The following CSMD2 variants were observed in gnomAD, a reference collection of about 807,000 sequenced individuals.
CSMD2 encodes CUB and sushi domain-containing protein 2.
A neutral mutation model predicts 398.5 loss-of-function variants in CSMD2; 130 were observed. The ratio of observed to expected loss-of-function variants is 0.33; its 90% CI spans 0.28 to 0.38. The LOEUF is 0.38. Ranked by LOEUF, CSMD2 falls within the 10% of genes least tolerant of loss-of-function variation. The probability of loss-of-function intolerance (pLI) is 1.00; values close to 1 mark genes in which losing one functional copy is unlikely to be tolerated. For missense variants in CSMD2, 3,829 were observed against 4,764.9 expected (o/e 0.80, Z 5.78); for synonymous variants, 1,828 against 1,908.5 (o/e 0.96, Z 1.10).
chr1:33,518,389 ATG>A lies in CSMD2; in HGVS notation c.*53+1074_*53+1075del, dbSNP rs3043318. On this transcript the variant is annotated intron_variant, in intron 70 of 70. Transcript: ENST00000373381. This position sits in a 1 kb window ranked among gnomAD's most constrained non-coding sequence, Gnocchi z 4.3. ...TGCATGCCTGTGTGCATGTATGCGT[ATG>A]TGTGTGTGTGTGTGTGCATGACCGT... Among the ~76,000 whole-genome samples the A allele has an allele frequency of 0.72, 107,681 of 150,508 alleles. 38,957 individuals are homozygous for A. The highest frequency in any genetic ancestry group is 0.83 in the African/African-American group (34,120 of 41,068).
intron 22 of CSMD2, among the ~76,000 whole-genome samples, chr1:33,701,455 G>A (rs1192667115): frequency 3.3e-5 from 5 of 152,232 alleles, no homozygotes; most frequent in Non-Finnish European, 7.3e-5. Context: ...AATAACAACA[G>A]AAGTTGTGAT....
intron 32 of CSMD2, among the ~76,000 whole-genome samples, chr1:33,630,445 A>C (rs1342669482): frequency 6.6e-6 from 1 of 152,210 alleles, no homozygotes; most frequent in Non-Finnish European, 1.5e-5. Context: ...TAACTTTAGG[A>C]GGTAGGACTC....
At chr1:33,699,634 G>C (rs750737773) in intron 23 of CSMD2, among the ~76,000 whole-genome samples, 1 of 152,166 alleles carries the variant, frequency 6.6e-6, no homozygotes, top group African/African-American at 2.4e-5. Flanking sequence ...GAGCCCAGAC[G>C]AGGGGAAACC....
intron 55 of CSMD2, 54 bp downstream of exon 55, chr1:33,557,680 T>C: frequency 6.8e-7 from 1 of 1,466,890 alleles, no homozygotes; most frequent in Non-Finnish European, 9.2e-7. Flanking sequence ...GGGAGGACTG[T>C]TCTTTGACAC....
intron 6 of CSMD2, among the ~76,000 whole-genome samples, chr1:33,835,639 A>T (rs2125049702): frequency 7.0e-6 from 1 of 142,276 alleles, no homozygotes; most frequent in African/African-American, 2.7e-5. Context: ...GTACCCTAAA[A>T]CTTAAAGTAT....
chr1:33,931,247 C>T (rs1292173975), intron 4 of CSMD2, among the ~76,000 whole-genome samples: 1 of 152,180 alleles, frequency 6.6e-6, no homozygotes, highest in Admixed American at 6.5e-5. Flanking sequence ...GGAAGAAAGG[C>T]CAAAAGGCTT....
chr1:33,581,529 CAAAAAAAAAAAA>C (rs59068586), intron 47 of CSMD2, among the ~76,000 whole-genome samples: 19 of 36,876 alleles, frequency 5.2e-4, no homozygotes, highest in Non-Finnish European at 8.3e-4. Context: ...GACTCAGTCT[CAAAAAAAAAAAA>C]AAAAAAAAAA....
At chr1:33,697,654 T>A (rs1645465911) in intron 24 of CSMD2, among the ~76,000 whole-genome samples, 1 of 152,244 alleles carries the variant, frequency 6.6e-6, no homozygotes, top group Non-Finnish European at 1.5e-5. Flanking sequence ...TCTAATCCAT[T>A]CTTCCAAGTC....
intron 29 of CSMD2, among the ~76,000 whole-genome samples, chr1:33,641,290 T>C (rs373322672): frequency 3.3e-5 from 5 of 152,352 alleles, no homozygotes; most frequent in Middle Eastern, 3.4e-3. Flanking sequence ...GCAGAGGGCA[T>C]GGCATGAAGT....
chr1:33,982,469 T>C (rs1646205702), intron 3 of CSMD2, among the ~76,000 whole-genome samples: 1 of 152,166 alleles, frequency 6.6e-6, no homozygotes, highest in Non-Finnish European at 1.5e-5. Flanking sequence ...ATTAGCAAAC[T>C]GTGGAAGGGA....
At chr1:34,066,152 C>T (rs1036250896) in intron 2 of CSMD2, among the ~76,000 whole-genome samples, 7 of 152,200 alleles carry the variant, frequency 4.6e-5, no homozygotes, top group African/African-American at 1.7e-4. Context: ...TGTAGCATTT[C>T]AAGCTGAGAA....
chr1:34,001,485 C>A (rs763481669), intron 3 of CSMD2, among the ~76,000 whole-genome samples: 38 of 152,270 alleles, frequency 2.5e-4, no homozygotes, highest in Middle Eastern at 3.4e-3. Flanking sequence ...TCAAGCCATT[C>A]GAGCTCCGAG....
rs1034952548 is a variant in CSMD2, at chr1:34,061,854, C to T, written c.404+27123G>A. Among the ~76,000 whole-genome samples, 12 of 152,164 alleles carry T rather than the reference C, an allele frequency of 7.9e-5. No homozygotes were observed. In the South Asian group the frequency reaches 2.5e-3, roughly 32 times the overall value. Reference sequence around the variant, plus strand: ...TGGATCCTACAAAACCTCCTGGAGGCCTTATAACCTGACACCATTATTGCC... The same window carrying T: ...TGGATCCTACAAAACCTCCTGGAGGTCTTATAACCTGACACCATTATTGCC... On this transcript the variant is annotated intron_variant, in intron 2 of 70. Transcript: ENST00000373381.
At chr1:33,608,787 A>G (rs1306202349) in intron 41 of CSMD2, among the ~76,000 whole-genome samples, 1 of 152,142 alleles carries the variant, frequency 6.6e-6, no homozygotes, top group African/African-American at 2.4e-5. Context: ...CCTCAGAAGG[A>G]ACCAACTCTG....
At chr1:34,021,216 T>A (rs1273126937) in intron 3 of CSMD2, among the ~76,000 whole-genome samples, 3 of 152,182 alleles carry the variant, frequency 2.0e-5, no homozygotes, top group African/African-American at 7.2e-5. Context: ...CTCTCCCCAC[T>A]GATGCTGGGC....
intron 2 of CSMD2, among the ~76,000 whole-genome samples, chr1:34,086,989 A>C (rs926025522): frequency 1.3e-5 from 2 of 151,954 alleles, no homozygotes; most frequent in Admixed American, 1.3e-4. Context: ...AGGAATTCAA[A>C]CTAGCAGAGC....
intron 3 of CSMD2, among the ~76,000 whole-genome samples, chr1:33,999,554 C>A (rs549681687): frequency 4.0e-5 from 6 of 151,446 alleles, no homozygotes; most frequent in South Asian, 4.3e-4. Context: ...CACCACCTCA[C>A]CCAGCTAATT....
intron 25 of CSMD2, among the ~76,000 whole-genome samples, chr1:33,690,923 A>G (rs1398503685): frequency 6.6e-6 from 1 of 152,212 alleles, no homozygotes; most frequent in East Asian, 1.9e-4. Flanking sequence ...AGGAAAATAT[A>G]TGCAACAGGT....
At chr1:33,973,521 G>A (rs1645847285) in intron 3 of CSMD2, among the ~76,000 whole-genome samples, 1 of 152,214 alleles carries the variant, frequency 6.6e-6, no homozygotes, top group South Asian at 2.1e-4. Flanking sequence ...TGCCCCAGGG[G>A]ACTCCCAGGT....
Sources: allele counts gnomAD v4.1 joint callset (sites outside exome capture counted in the v4.1 genomes callset), GRCh38; gene constraint gnomAD v4.1.1; non-coding constraint Gnocchi (gnomAD v3.1); transcripts MANE v1.5; gene names NCBI Gene and HGNC (gene_info 2026-07-23, HGNC 2026-07-21).